The following RD3 variants were observed in gnomAD, a reference collection of about 807,000 sequenced individuals.
RD3 encodes the protein protein RD3.
Under a neutral mutation model 16.9 loss-of-function variants are expected in RD3, and 11 were observed. The observed-to-expected ratio is 0.65, with a 90% CI of 0.41 to 1.08. The LOEUF is 1.08. Among genes scored for constraint, RD3 ranks in the 50% least tolerant of loss-of-function variants. The probability of loss-of-function intolerance (pLI) is 0.00; values close to 1 mark genes in which losing one functional copy is unlikely to be tolerated. For synonymous variants in RD3, 116 were observed against 114.8 expected, an observed-to-expected ratio of 1.01 and a Z score of -0.07; for missense variants, 274 against 267.4, an observed-to-expected ratio of 1.02 and a Z score of -0.17.
intron 1 of RD3, among the ~76,000 whole-genome samples, chr1:211,482,029 C>A (rs552209378): frequency 1.3e-5 from 2 of 152,264 alleles, no homozygotes; most frequent in African/African-American, 4.8e-5. Flanking sequence ...TCAAGACAAG[C>A]CTGACCAACA....
intron 1 of RD3, among the ~76,000 whole-genome samples, chr1:211,491,159 G>A (rs779922251): frequency 6.6e-6 from 1 of 152,128 alleles, no homozygotes; most frequent in Non-Finnish European, 1.5e-5. Context: ...TTCTAGGCCC[G>A]ATCTCCCTGG....
At position 211,478,884 on chromosome 1, in the gene RD3, G is replaced by C. The variant is rs1034203590; in HGVS notation, c.*152C>G. 4.3e-6 allele frequency: 3 copies of C among 692,412 alleles called. No homozygotes were observed. The highest frequency in any genetic ancestry group is 2.4e-6 in the Non-Finnish European group (1 of 424,896). The allele number at this position is 692,412 out of a possible 1,614,324, so 42.9% of individuals were successfully genotyped here. A position where few individuals can be genotyped will look rare whatever the true frequency, so the allele number is the denominator to read the frequency against. On this transcript the variant is annotated 3_prime_UTR_variant, in exon 3 of 3. Coordinates refer to ENST00000680073, the MANE Select transcript of RD3 (RefSeq NM_001164688.2). ...GAGGAAGAGGATGGGGCAGGGAGTCGCTTCATTTTATAGCAGCGTCTTGGG... is the reference window on the plus strand; with the variant it reads ...GAGGAAGAGGATGGGGCAGGGAGTCCCTTCATTTTATAGCAGCGTCTTGGG...
rs763352078 is a variant in RD3 at position 211,479,322 on chromosome 1, C to G, written c.302G>C (p.Arg101Pro). ...SYCGPAILRFRQLLAEQEPEV... is the reference protein window; with the variant it reads ...SYCGPAILRFPQLLAEQEPEV... ...GGGCTCCTGCTCCGCCAGCAGCTGC[C>G]GGAACCTGGGCGGGAGGGGAGGGCG... Residue 101 changes from arginine to proline, a missense_variant, in exon 3 of 3, where the codon CGG becomes CCG. By Grantham distance (103) the Arg-to-Pro change is moderately radical. Transcript: ENST00000680073. 1 of 1,602,528 alleles carries G rather than the reference C, an allele frequency of 6.2e-7. No homozygotes were observed. Among genetic ancestry groups the G allele is most frequent in the East Asian group, 2.2e-5 (1 of 44,636 alleles).
chr1:211,491,010 C>T (rs778677173), intron 1 of RD3, among the ~76,000 whole-genome samples: 1 of 152,196 alleles, frequency 6.6e-6, no homozygotes, highest in Non-Finnish European at 1.5e-5. Flanking sequence ...ATAAGCGGTT[C>T]CTGAATGAAT....
chr1:211,484,198 G>T (rs1438545536), intron 1 of RD3, among the ~76,000 whole-genome samples: 1 of 152,220 alleles, frequency 6.6e-6, no homozygotes, highest in Non-Finnish European at 1.5e-5. Context: ...TATGTGGTCA[G>T]GGCCTGTGCC....
At position 211,478,491 on chromosome 1, in the gene RD3, G is replaced by T. The variant is rs1291838788; in HGVS notation, c.*545C>A. 1 of 277,870 alleles carries T rather than the reference G, an allele frequency of 3.6e-6. No homozygotes were observed. The allele number at this position is 277,870 out of a possible 1,614,324, so 17.2% of individuals were successfully genotyped here. On this transcript the variant is annotated 3_prime_UTR_variant, in exon 3 of 3. Coordinates refer to ENST00000680073, the MANE Select transcript of RD3 (RefSeq NM_001164688.2). ...AAGTTCCACATTTACTAGCTGAAGA[G>T]AGTGGATCTAAATGTCTCTCTGGTC... is the stretch of plus-strand genomic sequence containing the variant.
Position 211,481,117 on chromosome 1 carries a change from C to T in RD3, c.296+3G>A, listed in dbSNP as rs771314304. On this transcript the variant is annotated splice_donor_region_variant and intron_variant, in intron 2 of 2. Transcript: ENST00000680073. ...CAGCAAGGGTCCCCATCCCAGTGCT[C>T]ACCTGAGGATAGCAGGCCCACAATA... 5 of 1,614,122 alleles carry T rather than the reference C, an allele frequency of 3.1e-6. No homozygotes were observed. Among genetic ancestry groups the T allele is most frequent in the Non-Finnish European group, 3.4e-6 (4 of 1,179,982 alleles).
intron 1 of RD3, among the ~76,000 whole-genome samples, chr1:211,486,552 G>A (rs546736113): frequency 6.6e-6 from 1 of 150,896 alleles, no homozygotes; most frequent in South Asian, 2.1e-4. Flanking sequence ...CTGGATGTTA[G>A]AAAATAATCC....
intron 1 of RD3, among the ~76,000 whole-genome samples, chr1:211,485,148 G>A (rs1469290148): frequency 6.6e-6 from 1 of 152,196 alleles, no homozygotes; most frequent in Non-Finnish European, 1.5e-5. Context: ...CCCGACCTGA[G>A]CTGGCCGCTA....
rs1705154231 is a variant in RD3, at chr1:211,476,630, C to T, written c.*2406G>A. ...AATCCAGAGGAACAACTTCTGGACC[C>T]TCATGAATTTGAGAGCCACCAGCTG... On this transcript the variant is annotated 3_prime_UTR_variant, in exon 3 of 3. Transcript: ENST00000680073. 1 of 152,152 alleles carries T rather than the reference C, an allele frequency of 6.6e-6. No homozygotes were observed. Among genetic ancestry groups the T allele is most frequent in the Non-Finnish European group, 1.5e-5 (1 of 68,042 alleles). 9.4% of individuals were successfully genotyped at this position (152,152 alleles called of 1,614,324 possible). A position where few individuals can be genotyped will look rare whatever the true frequency, so the allele number is the denominator to read the frequency against.
In RD3 at chr1:211,479,141, G is replaced by C; in HGVS notation, c.483C>G (p.Pro161=). ...ATFKTRARIS[P]FASDIRTISE... ...AGATGGTCCTGATGTCGCTGGCGAA[G>C]GGCGAGATGCGCGCGCGGGTCTTGA... is the stretch of plus-strand genomic sequence containing the variant. The change falls in exon 3 of 3, where the codon CCC becomes CCG. Residue 161 remains proline, a synonymous_variant. Coordinates refer to ENST00000680073, the MANE Select transcript of RD3 (RefSeq NM_001164688.2). 1 of 1,612,862 alleles carries C rather than the reference G, an allele frequency of 6.2e-7. No individual in the cohort carries two copies. Among genetic ancestry groups the C allele is most frequent in the Non-Finnish European group, 8.5e-7 (1 of 1,179,662 alleles).
intron 1 of RD3, among the ~76,000 whole-genome samples, chr1:211,490,867 G>C (rs1018780658): frequency 6.6e-6 from 1 of 152,118 alleles, no homozygotes; most frequent in Non-Finnish European, 1.5e-5. Flanking sequence ...CCTGACACAA[G>C]GGCCCATCAC....
chr1:211,479,676 A>G (rs1705223726), intron 2 of RD3, among the ~76,000 whole-genome samples: 9 of 152,210 alleles, frequency 5.9e-5, no homozygotes. Flanking sequence ...TTGCCGTGGC[A>G]GCCTTCTGGC....
intron 1 of RD3, among the ~76,000 whole-genome samples, chr1:211,489,092 C>T: frequency 6.6e-6 from 1 of 152,162 alleles, no homozygotes; most frequent in East Asian, 1.9e-4. Context: ...TTTCCCCAAT[C>T]TATAAGGGAA....
At chr1:211,490,360 C>T (rs1158953964) in intron 1 of RD3, among the ~76,000 whole-genome samples, 2 of 152,260 alleles carry the variant, frequency 1.3e-5, no homozygotes, top group African/African-American at 2.4e-5. Context: ...CAAAGGGAGC[C>T]ATGGCCAGGG....
intron 1 of RD3, among the ~76,000 whole-genome samples, chr1:211,490,359 C>T (rs1705459962): frequency 6.6e-6 from 1 of 152,268 alleles, no homozygotes; most frequent in Admixed American, 6.5e-5. Flanking sequence ...GCAAAGGGAG[C>T]CATGGCCAGG....
chr1:211,483,463 A>G (rs555412897), intron 1 of RD3, among the ~76,000 whole-genome samples: 1 of 152,102 alleles, frequency 6.6e-6, no homozygotes, highest in Non-Finnish European at 1.5e-5. Context: ...TCAAAAAAAA[A>G]AAAAAAGAAA....
intron 1 of RD3, among the ~76,000 whole-genome samples, chr1:211,484,271 CAAAT>C (rs776032048): frequency 3.5e-4 from 54 of 152,274 alleles, no homozygotes; most frequent in Non-Finnish European, 6.8e-4. Flanking sequence ...AAATAGCAAA[CAAAT>C]GAATGAATGA....
At chr1:211,487,857 C>T (rs893524027) in intron 1 of RD3, among the ~76,000 whole-genome samples, 1 of 152,184 alleles carries the variant, frequency 6.6e-6, no homozygotes, top group South Asian at 2.1e-4. Context: ...ACCTGCCTGT[C>T]GCTGTGCTAG....
Sources: gnomAD v4.1 joint callset for allele counts (sites outside exome capture counted in the v4.1 genomes callset) on GRCh38, gnomAD v4.1.1 for gene constraint, MANE v1.5 for transcripts, NCBI Gene and HGNC (gene_info 2026-07-23, HGNC 2026-07-21) for gene names.